The following AKAP17A variants were observed in gnomAD, a reference collection of about 807,000 sequenced individuals.
AKAP17A encodes the protein A-kinase anchoring protein 17A.
Under a neutral mutation model 52.2 loss-of-function variants are expected in AKAP17A, and 15 were observed. The observed-to-expected ratio is 0.29, with a 90% CI of 0.19 to 0.44. The LOEUF is 0.44. Among genes scored for constraint, AKAP17A ranks in the 20% least tolerant of loss-of-function variants. AKAP17A has a pLI of 1.00. For synonymous variants in AKAP17A, 514 were observed against 424.7 expected (o/e 1.21, Z -2.58); for missense variants, 1,060 against 1,007.0 (o/e 1.05, Z -0.71).
chrX:1,594,614 T>A (rs1385113758), intron 2 of AKAP17A, among the ~76,000 whole-genome samples: 1 of 152,052 alleles, frequency 6.6e-6, no homozygotes, highest in African/African-American at 2.4e-5. Context: ...TTTTTTTATT[T>A]TTTTTATTTT....
At chrX:1,591,886 C>CGGGGCT (rs1190149737) in intron 1 of AKAP17A, 117 bp downstream of exon 1, 1 of 21,182 alleles carries the variant, frequency 4.7e-5, no homozygotes, top group Non-Finnish European at 8.9e-5. Flanking sequence ...TCGGAGGTGA[C>CGGGGCT]GGGGCTGGGG....
At chrX:1,594,611 A>AT (rs1315771627) in intron 2 of AKAP17A, among the ~76,000 whole-genome samples, 3 of 150,358 alleles carry the variant, frequency 2.0e-5, no homozygotes, top group Non-Finnish European at 4.4e-5. Flanking sequence ...TATTTTTTTT[A>AT]TTTTTTTTAT....
intron 4 of AKAP17A, chrX:1,600,151 C>T (rs1933276814): frequency 7.7e-7 from 1 of 1,303,280 alleles, no homozygotes; most frequent in Non-Finnish European, 1.0e-6. Flanking sequence ...TGATAAGTCC[C>T]CGGGAAGGAG....
At chrX:1,593,010 AGCTGT>A in intron 1 of AKAP17A, among the ~76,000 whole-genome samples, 1 of 152,226 alleles carries the variant, frequency 6.6e-6, no homozygotes, top group East Asian at 1.9e-4. Context: ...AGATGCCTGC[AGCTGT>A]GCTCTCCCTG....
intron 4 of AKAP17A, 149 bp downstream of exon 4, chrX:1,599,581 C>T: frequency 4.5e-6 from 5 of 1,108,542 alleles, no homozygotes; most frequent in Non-Finnish European, 6.7e-6. Flanking sequence ...ATGACGGCTC[C>T]TTCCCGGGAG....
chrX:1,595,674 A>G, intron 3 of AKAP17A, 142 bp downstream of exon 3: 2 of 1,332,192 alleles, frequency 1.5e-6, no homozygotes. Flanking sequence ...ACCTGTGTGC[A>G]TGGACGCACG....
At chrX:1,597,522 A>G (rs1274269410) in intron 3 of AKAP17A, among the ~76,000 whole-genome samples, 1 of 152,082 alleles carries the variant, frequency 6.6e-6, no homozygotes, top group African/African-American at 2.4e-5. Context: ...CAGGCCGAGC[A>G]GGACAGCTGG....
intron 3 of AKAP17A, among the ~76,000 whole-genome samples, 185 bp from the exon 4 acceptor site, chrX:1,599,007 G>A (rs371929642): frequency 5.3e-5 from 8 of 152,170 alleles, no homozygotes; most frequent in East Asian, 3.9e-4. Flanking sequence ...GGAGGTCCTC[G>A]CCCGGCTCAC....
intron 3 of AKAP17A, among the ~76,000 whole-genome samples, chrX:1,598,515 G>A (rs367911226): frequency 1.3e-5 from 2 of 152,130 alleles, no homozygotes; most frequent in East Asian, 3.9e-4. Flanking sequence ...TTGTTCCCAT[G>A]TCCGGTGTTG....
Position 1,599,420 on chromosome X carries a change from C to A in AKAP17A, c.1140C>A (p.Leu380=). ...CCATCCGGCTCATCGCCGAGCTGCTCAGCAGAGCCAAGGTACCCGGGGGCT... is the reference window on the plus strand; with the variant it reads ...CCATCCGGCTCATCGCCGAGCTGCTAAGCAGAGCCAAGGTACCCGGGGGCT... ...LQSIRLIAEL[L]SRAKAVKLRE... The change falls in exon 4 of 5, where the codon CTC becomes CTA. Residue 380 remains leucine (L), a synonymous_variant. Coordinates refer to ENST00000313871, the MANE Select transcript of AKAP17A (RefSeq NM_005088.3). 6.4e-7 allele frequency: 1 copy of A among 1,563,720 alleles called. No homozygotes were observed. Among genetic ancestry groups the A allele is most frequent in the South Asian group, 1.2e-5 (1 of 85,102 alleles).
intron 3 of AKAP17A, among the ~76,000 whole-genome samples, chrX:1,598,056 G>A (rs1292192251): frequency 1.3e-5 from 2 of 152,190 alleles, no homozygotes; most frequent in Non-Finnish European, 2.9e-5. Context: ...TGCTTGTTCA[G>A]CCCTCACGTG....
At chrX:1,591,920 G>C (rs1161508592) in intron 1 of AKAP17A, among the ~76,000 whole-genome samples, 151 bp downstream of exon 1, 2 of 149,706 alleles carry the variant, frequency 1.3e-5, no homozygotes, top group Non-Finnish European at 3.0e-5. Flanking sequence ...GGTGCCACCG[G>C]GGGGCTGGGA....
At chrX:1,597,881 G>T (rs748165590) in intron 3 of AKAP17A, among the ~76,000 whole-genome samples, 3 of 152,226 alleles carry the variant, frequency 2.0e-5, no homozygotes, top group South Asian at 4.2e-4. Flanking sequence ...AGAGCCCCGG[G>T]GAGGGGCAGG....
At chrX:1,598,782 C>T (rs1253935445) in intron 3 of AKAP17A, among the ~76,000 whole-genome samples, 8 of 152,186 alleles carry the variant, frequency 5.3e-5, no homozygotes, top group East Asian at 1.9e-4. Flanking sequence ...AGTCACCCAG[C>T]GCGGTTCCTG....
Position 1,601,217 on chromosome X carries a change from G to A in AKAP17A, c.1711G>A (p.Asp571Asn). 1 of 1,613,898 alleles carries A rather than the reference G, an allele frequency of 6.2e-7. No homozygotes were observed. The highest frequency in any genetic ancestry group is 8.5e-7 in the Non-Finnish European group (1 of 1,179,820). The change falls in exon 5 of 5, where the codon GAC (aspartate) becomes AAC (asparagine). Residue 571 changes from aspartate (D) to asparagine (N), a missense_variant. Asp to Asn is a conservative substitution (Grantham distance 23, BLOSUM62 1). This residue lies in a region of AKAP17A where 793 missense variants were observed against 629.9 expected (regional missense o/e 1.26). Coordinates refer to ENST00000313871, the MANE Select transcript of AKAP17A (RefSeq NM_005088.3). ...CTGCGAGCAGAATGTCTCCAGAAAG[G>A]ACACCCGGTCAGAACAGGACAAGTG... ...PACEQNVSRK[D>N]TRSEQDKCNR... is the part of the protein sequence containing the mutation.
chrX:1,593,430 G>C lies in AKAP17A; in HGVS notation c.-19-14G>C. ...GGGGGTGCTGGTGCTGACTGTCTGC[G>C]TCTTATGTTTCAGGCCCAAGGTCCC... On this transcript the variant is annotated splice_polypyrimidine_tract_variant and intron_variant, in intron 1 of 4. Coordinates refer to ENST00000313871, the MANE Select transcript of AKAP17A (RefSeq NM_005088.3). 1.3e-6 allele frequency: 2 copies of C among 1,593,968 alleles called. No individual in the cohort carries two copies. The highest frequency in any genetic ancestry group is 1.7e-6 in the Non-Finnish European group (2 of 1,167,890).
Position 1,596,777 on chromosome X carries a change from CTTCCTCCTCCA to C in AKAP17A, c.911+1247_911+1257del. Among the ~76,000 whole-genome samples the C allele has an allele frequency of 3.8e-5, 3 of 78,512 alleles. 1 individual carries two copies. Among genetic ancestry groups the C allele is most frequent in the Non-Finnish European group, 7.9e-5 (3 of 37,754 alleles). The allele number at this position is 78,512 out of a possible 152,430, so 51.5% of individuals were successfully genotyped here. ...GAGGTGGATTCCTCCTCCTCCTCCT[CTTCCTCCTCCA>C]TCCCTCCCGCTGTGCCCTCCTAGTG... is the stretch of plus-strand genomic sequence containing the variant. On this transcript the variant is annotated intron_variant, in intron 3 of 4. Transcript: ENST00000313871.
rs779086440 is a variant in AKAP17A, at chrX:1,599,397, A to C, written c.1117A>C (p.Ile373Leu). ...GCTGGCCCAGAGGAACCTGCAGTCC[A>C]TCCGGCTCATCGCCGAGCTGCTCAG... is the stretch of plus-strand genomic sequence containing the variant. Reference protein sequence around the residue: ...LLLAQRNLQSIRLIAELLSRA... With the variant: ...LLLAQRNLQSLRLIAELLSRA... Residue 373 changes from isoleucine to leucine, a missense_variant, in exon 4 of 5, where the codon ATC (isoleucine) becomes CTC (leucine). Ile to Leu is a conservative substitution (Grantham distance 5). Around this residue, in one of 2 missense-constraint regions of AKAP17A, gnomAD observed 793 missense variants for 629.9 expected, o/e 1.26. Transcript: ENST00000313871. 1 of 1,572,688 alleles carries C rather than the reference A, an allele frequency of 6.4e-7. No homozygotes were observed. Among genetic ancestry groups the C allele is most frequent in the Admixed American group, 1.9e-5 (1 of 52,820 alleles).
In AKAP17A at chrX:1,601,697, G is replaced by C; in HGVS notation, c.*103G>C. On this transcript the variant is annotated 3_prime_UTR_variant, in exon 5 of 5. Transcript: ENST00000313871. The stretch of plus-strand genomic sequence containing the variant: ...TCTCCGTCCACCCCTGCAAAGCCAA[G>C]ACCCTTCTGCAGCCACGAATGTCCA... The C allele has an allele frequency of 1.7e-6, 2 of 1,156,980 alleles. No individual in the cohort carries two copies. Among genetic ancestry groups the C allele is most frequent in the Non-Finnish European group, 2.3e-6 (2 of 888,560 alleles). The allele number at this position is 1,156,980 out of a possible 1,614,324, so 71.7% of individuals were successfully genotyped here.
Sources: gnomAD v4.1 joint callset for allele counts (sites outside exome capture counted in the v4.1 genomes callset) on GRCh38, gnomAD v4.1.1 for gene constraint, gnomAD v4.1.1 regional missense constraint, MANE v1.5 for transcripts, NCBI Gene and HGNC (gene_info 2026-07-23, HGNC 2026-07-21) for gene names.